CAST: variants seen among roughly 807,000 people sequenced by gnomAD.
CAST encodes calpastatin.
CAST carries 76 observed loss-of-function variants against 119.6 expected under a neutral mutation model. The ratio of observed to expected loss-of-function variants is 0.64; its 90% CI spans 0.53 to 0.77. CAST has a LOEUF of 0.77. CAST is among the 30% of genes least tolerant of loss of function. The pLI, the probability that CAST is intolerant of heterozygous loss-of-function variation, is 0.00. For synonymous variants in CAST, 319 were observed against 331.6 expected (o/e 0.96, Z 0.41); for missense variants, 953 against 946.5 (o/e 1.01, Z -0.09).
At chr5:96,088,929 G>T in the CAST span, among the ~76,000 whole-genome samples, 2 of 152,158 alleles carry the variant, frequency 1.3e-5, no homozygotes, top group African/African-American at 4.8e-5. Context: ...CAGTGCTCTG[G>T]TGGATTGAGG....
At chr5:96,716,986 T>G (rs1431785035) in intron 3 of CAST, among the ~76,000 whole-genome samples, 2 of 152,158 alleles carry the variant, frequency 1.3e-5, no homozygotes, top group Non-Finnish European at 2.9e-5. Flanking sequence ...ATTTATTAAG[T>G]GTGTTCTTGA....
intron 1 of CAST, among the ~76,000 whole-genome samples, chr5:96,554,677 G>C (rs1457915469): frequency 6.6e-6 from 1 of 152,078 alleles, no homozygotes; most frequent in East Asian, 1.9e-4. Context: ...CTAATATCCA[G>C]AATCCATAAA....
the CAST span, among the ~76,000 whole-genome samples, chr5:95,971,960 C>A: frequency 7.3e-6 from 1 of 136,994 alleles, no homozygotes; most frequent in Non-Finnish European, 1.6e-5. Context: ...TCTTTTATTT[C>A]TTTTTTTTTT....
chr5:96,200,762 T>A, the CAST span, among the ~76,000 whole-genome samples: 3 of 152,116 alleles, frequency 2.0e-5, no homozygotes, highest in African/African-American at 7.2e-5. Context: ...CTCTGTGGCT[T>A]AGTTTCCTTA....
At chr5:96,264,890 G>A in the CAST span, among the ~76,000 whole-genome samples, 1 of 152,196 alleles carries the variant, frequency 6.6e-6, no homozygotes. Context: ...CATAGTTGCA[G>A]AGTATTTGAT....
At chr5:96,307,209 C>T in the CAST span, among the ~76,000 whole-genome samples, 1 of 152,096 alleles carries the variant, frequency 6.6e-6, no homozygotes, top group Non-Finnish European at 1.5e-5. Context: ...ATGTAATGCC[C>T]TTCTTTGTCT....
chr5:96,734,501 T>C (rs149313), intron 9 of CAST, among the ~76,000 whole-genome samples: 78,014 of 152,040 alleles, frequency 0.51, 20,064 homozygotes, highest in Non-Finnish European at 0.54. Context: ...TTATCCAAGA[T>C]GAATTGCAGA....
At chr5:96,248,448 A>G in the CAST span, among the ~76,000 whole-genome samples, 2 of 152,232 alleles carry the variant, frequency 1.3e-5, no homozygotes, top group Non-Finnish European at 2.9e-5. Context: ...TAAAGGCAGT[A>G]ATTTCAAAGT....
chr5:96,662,507 G>A lies in CAST; in HGVS notation c.75+10G>A. On this transcript the variant is annotated intron_variant, in intron 1 of 31. Transcript: ENST00000675179. ...CCGCCGCACCCATGAGGTGAGTGGC[G>A]CTCCTGTCGGCGTCGCGGGGCTGGG... The A allele has an allele frequency of 7.3e-7, 1 of 1,376,888 alleles. No homozygotes were observed. The highest frequency in any genetic ancestry group is 1.7e-5 in the South Asian group (1 of 59,240). 85.3% of individuals were successfully genotyped at this position (1,376,888 alleles called of 1,614,324 possible).
At chr5:96,754,204 T>G in intron 21 of CAST, 43 bp downstream of exon 21, 1 of 1,123,820 alleles carries the variant, frequency 8.9e-7, no homozygotes, top group Non-Finnish European at 1.4e-6. Flanking sequence ...ATATCATTGA[T>G]CACCTTCTCC....
chr5:96,748,717 A>C, intron 19 of CAST, 104 bp downstream of exon 19: 1 of 575,720 alleles, frequency 1.7e-6, no homozygotes, highest in Non-Finnish European at 3.1e-6. Flanking sequence ...AGAAAGCCCA[A>C]TATGCCATCG....
At chr5:96,492,519 T>C in the CAST span, among the ~76,000 whole-genome samples, 1 of 152,230 alleles carries the variant, frequency 6.6e-6, no homozygotes, top group Non-Finnish European at 1.5e-5. Flanking sequence ...GAAAACATTG[T>C]CATCAAAGCT....
At chr5:96,289,744 T>C in the CAST span, among the ~76,000 whole-genome samples, 1 of 152,202 alleles carries the variant, frequency 6.6e-6, no homozygotes, top group Admixed American at 6.5e-5. Context: ...TTAACCTTTT[T>C]GACCCTCAGG....
chr5:96,084,434 A>C, the CAST span, among the ~76,000 whole-genome samples: 1 of 152,244 alleles, frequency 6.6e-6, no homozygotes, highest in Non-Finnish European at 1.5e-5. Context: ...TAGAGATAAA[A>C]GGAGCCTGGG....
chr5:96,417,774 C>A, the CAST span, among the ~76,000 whole-genome samples: 1 of 152,224 alleles, frequency 6.6e-6, no homozygotes, highest in African/African-American at 2.4e-5. Context: ...GCTGTCCTGA[C>A]CACACCATTC....
At chr5:96,696,206 A>G (rs1753272047) in intron 3 of CAST, 2 of 177,544 alleles carry the variant, frequency 1.1e-5, no homozygotes, top group Non-Finnish European at 2.4e-5. Flanking sequence ...ACTGTGAGTA[A>G]AAACGTAGTG....
intron 1 of CAST, 136 bp downstream of exon 1, chr5:96,662,633 T>C: frequency 1.1e-6 from 1 of 919,832 alleles, no homozygotes; most frequent in Non-Finnish European, 1.4e-6. Context: ...GGGAGAGGGC[T>C]AGGGGCTTGG....
rs35213929 is a variant in CAST at position 96,737,322 on chromosome 5, C to CAA, written c.700-519_700-518dup. On this transcript the variant is annotated intron_variant, in intron 10 of 31. Coordinates refer to ENST00000675179, the MANE Select transcript of CAST (RefSeq NM_001750.7). The stretch of plus-strand genomic sequence containing the variant: ...CTTCAGGCAAGCAAGTGAACAACAA[C>CAA]AAAAAAAAACATGAATGAAATAATA... Among the ~76,000 whole-genome samples, 222 of 150,078 alleles carry CAA rather than the reference C, an allele frequency of 1.5e-3. 1 individual carries two copies. The highest frequency in any genetic ancestry group is 5.1e-3 in the East Asian group (26 of 5,128).
At chr5:96,551,257 A>G (rs1746121037) in intron 1 of CAST, among the ~76,000 whole-genome samples, 1 of 152,250 alleles carries the variant, frequency 6.6e-6, no homozygotes, top group South Asian at 2.1e-4. Flanking sequence ...AGTGGGGGCC[A>G]ATATTCAACA....
Sources: allele counts gnomAD v4.1 joint callset (sites outside exome capture counted in the v4.1 genomes callset), GRCh38; gene constraint gnomAD v4.1.1; transcripts MANE v1.5; gene names NCBI Gene and HGNC (gene_info 2026-07-23, HGNC 2026-07-21).